Variants in BMP1 observed in about 807,000 individuals in gnomAD.
BMP1 encodes the protein bone morphogenetic protein 1, also known as mammalian tolloid protein.
Under a neutral mutation model 116.8 loss-of-function variants are expected in BMP1, and 63 were observed. That is an observed-to-expected ratio of 0.54 (90% CI 0.44 to 0.67). BMP1 has a LOEUF of 0.67. BMP1 is among the 30% of genes least tolerant of loss of function. BMP1 has a pLI of 0.00. For synonymous variants in BMP1, 536 were observed against 533.4 expected (o/e 1.00, Z -0.07); for missense variants, 1,183 against 1,358.9 (o/e 0.87, Z 2.04).
At chr8:22,168,296 T>C (rs1828174624) in intron 1 of BMP1, among the ~76,000 whole-genome samples, 1 of 152,054 alleles carries the variant, frequency 6.6e-6, no homozygotes, top group African/African-American at 2.4e-5. Context: ...AGGCCTGATT[T>C]CCTGTATGTC....
At position 22,165,474 on chromosome 8, in the gene BMP1, G is replaced by A. The variant is rs549891849; in HGVS notation, c.69G>A (p.Leu23=). 2 of 1,586,574 alleles carry A rather than the reference G, an allele frequency of 1.3e-6. No homozygotes were observed. Among genetic ancestry groups the A allele is most frequent in the East Asian group, 4.9e-5 (2 of 40,892 alleles). The change falls in exon 1 of 20, where the codon CTG becomes CTA. Residue 23 remains leucine (L), a synonymous_variant. Coordinates refer to ENST00000306385, the MANE Select transcript of BMP1 (RefSeq NM_006129.5). ...LLLLPRPGRP[L]DLADYTYDLA... ...TGCTCCCGCGTCCCGGCCGGCCGCT[G>A]GACTTGGCCGACTACACCTATGACC...
At chr8:22,203,336 A>T (rs1432490694) in intron 16 of BMP1, among the ~76,000 whole-genome samples, 1 of 152,182 alleles carries the variant, frequency 6.6e-6, no homozygotes, top group Non-Finnish European at 1.5e-5. Flanking sequence ...CGATCGGATC[A>T]CTTGAGGTCA....
chr8:22,195,720 C>T (rs1829065882), intron 13 of BMP1, 133 bp downstream of exon 13: 1 of 1,283,828 alleles, frequency 7.8e-7, no homozygotes, highest in Non-Finnish European at 1.1e-6. Context: ...AATCTTAGCT[C>T]ACCATAGCCT....
At chr8:22,180,610 C>G (rs561038676) in intron 8 of BMP1, 127 bp downstream of exon 8, 1 of 807,818 alleles carries the variant, frequency 1.2e-6, no homozygotes, top group East Asian at 2.6e-5. Context: ...TGTATCAAGT[C>G]CAGAGCGCTG....
intron 1 of BMP1, among the ~76,000 whole-genome samples, chr8:22,167,703 C>T (rs937248287): frequency 4.6e-5 from 7 of 152,278 alleles, no homozygotes; most frequent in South Asian, 4.1e-4. Context: ...GGGCGCTGGG[C>T]CAGGGCTGGG....
chr8:22,207,731 T>C (rs1304072124), intron 18 of BMP1, among the ~76,000 whole-genome samples: 3 of 152,050 alleles, frequency 2.0e-5, no homozygotes, highest in Admixed American at 2.0e-4. Flanking sequence ...GTGATGACGA[T>C]GGACAGGAGA....
At position 22,176,231 on chromosome 8, in the gene BMP1, T is replaced by TAGCCGGC; in HGVS notation, c.352_358dup (p.Arg120GlnfsTer29). ...GTGGGAGATGGAGAGGTAGATCCCGTAGCCGGCGGGCGGCGACGTCCCGAC... is the reference window on the plus strand; with the variant it reads ...GTGGGAGATGGAGAGGTAGATCCCGTAGCCGGCAGCCGGCGGGCGGCGACGTCCCGAC... On this transcript the variant is annotated frameshift_variant, in exon 3 of 20. Coordinates refer to ENST00000306385, the MANE Select transcript of BMP1 (RefSeq NM_006129.5). LOFTEE classifies it high-confidence loss of function. 1.9e-6 allele frequency: 3 copies of TAGCCGGC among 1,613,938 alleles called. No homozygotes were observed. Among genetic ancestry groups the TAGCCGGC allele is most frequent in the Non-Finnish European group, 2.5e-6 (3 of 1,179,956 alleles).
At chr8:22,190,964 C>CA (rs1285218298) in intron 8 of BMP1, among the ~76,000 whole-genome samples, 2 of 152,234 alleles carry the variant, frequency 1.3e-5, no homozygotes, top group Non-Finnish European at 2.9e-5. Flanking sequence ...TCTGAATACA[C>CA]AGCAGGCTTT....
At chr8:22,205,789 A>T (rs1053445576) in intron 16 of BMP1, among the ~76,000 whole-genome samples, 1 of 152,062 alleles carries the variant, frequency 6.6e-6, no homozygotes, top group Non-Finnish European at 1.5e-5. Flanking sequence ...TTTGTTTTTT[A>T]ATTTTAATAA....
At chr8:22,168,090 C>T (rs534783035) in intron 1 of BMP1, among the ~76,000 whole-genome samples, 232 of 152,280 alleles carry the variant, frequency 1.5e-3, no homozygotes, top group African/African-American at 5.4e-3. Flanking sequence ...CACGCCCCTT[C>T]GTTGGACCAT....
At chr8:22,205,401 A>G (rs1335345215) in intron 16 of BMP1, among the ~76,000 whole-genome samples, 3 of 152,176 alleles carry the variant, frequency 2.0e-5, no homozygotes, top group African/African-American at 7.2e-5. Context: ...CTGGGTGGTC[A>G]GCCCTGCAGT....
chr8:22,209,357 T>G (rs1030801859), intron 18 of BMP1, 88 bp from the exon 19 acceptor site: 5 of 1,544,694 alleles, frequency 3.2e-6, no homozygotes, highest in Non-Finnish European at 4.4e-6. Context: ...GCCTCCATCC[T>G]GCCGTGAGGG....
intron 1 of BMP1, among the ~76,000 whole-genome samples, chr8:22,172,257 TC>T (rs1371359294): frequency 6.6e-6 from 1 of 152,106 alleles, no homozygotes; most frequent in African/African-American, 2.4e-5. Flanking sequence ...GCCTCCCACT[TC>T]CCCCAGCCCA....
chr8:22,197,738 G>C (rs1340507488), intron 15 of BMP1, among the ~76,000 whole-genome samples: 2 of 152,212 alleles, frequency 1.3e-5, no homozygotes, highest in African/African-American at 4.8e-5. Context: ...GCCTGGGAGA[G>C]GGCAGGTCCT....
At chr8:22,210,837 C>G (rs1829451217) in intron 19 of BMP1, among the ~76,000 whole-genome samples, 1 of 152,256 alleles carries the variant, frequency 6.6e-6, no homozygotes, top group African/African-American at 2.4e-5. Context: ...AGACCTCCCC[C>G]AGGCTGAGTT....
chr8:22,166,800 G>A (rs1380591734), intron 1 of BMP1, among the ~76,000 whole-genome samples: 1 of 152,130 alleles, frequency 6.6e-6, no homozygotes, highest in Non-Finnish European at 1.5e-5. Flanking sequence ...ACACCTGCTG[G>A]GCTGCGGGTA....
At chr8:22,186,504 G>A (rs1479807576) in intron 8 of BMP1, among the ~76,000 whole-genome samples, 1 of 152,148 alleles carries the variant, frequency 6.6e-6, no homozygotes, top group African/African-American at 2.4e-5. Context: ...GTCTCACTCT[G>A]TTGCCCAGGC....
chr8:22,190,044 C>T (rs1459389614), intron 8 of BMP1, among the ~76,000 whole-genome samples: 1 of 152,146 alleles, frequency 6.6e-6, no homozygotes, highest in Non-Finnish European at 1.5e-5. Context: ...CCTCAGCCTC[C>T]TGAGTAGCTA....
intron 1 of BMP1, among the ~76,000 whole-genome samples, chr8:22,171,919 G>T (rs771358978): frequency 2.9e-4 from 44 of 152,234 alleles, no homozygotes; most frequent in Non-Finnish European, 4.3e-4. Flanking sequence ...CCGCCTGAAA[G>T]TGCAGTGCTG....
Sources: gnomAD v4.1 joint callset for allele counts (sites outside exome capture counted in the v4.1 genomes callset) on GRCh38, gnomAD v4.1.1 for gene constraint, MANE v1.5 for transcripts, NCBI Gene and HGNC (gene_info 2026-07-23, HGNC 2026-07-21) for gene names.